Variants in NYAP2 observed in about 807,000 individuals in gnomAD.
NYAP2 encodes the protein neuronal tyrosine-phosphorylated phosphoinositide-3-kinase adapter 2.
In NYAP2, 23 loss-of-function variants were observed where a neutral mutation model predicts 50.4. That is an observed-to-expected ratio of 0.46 (90% CI 0.33 to 0.65). The LOEUF (loss-of-function observed/expected upper bound fraction) is 0.65. Ranked by LOEUF, NYAP2 falls within the 30% of genes least tolerant of loss-of-function variation. The probability of loss-of-function intolerance (pLI) is 0.02; values close to 1 mark genes in which losing one functional copy is unlikely to be tolerated. For synonymous variants in NYAP2, 394 were observed against 365.2 expected (o/e 1.08, Z -0.90); for missense variants, 885 against 861.0 (o/e 1.03, Z -0.35).
chr2:225,566,825 C>A (rs1691969731), intron 4 of NYAP2, among the ~76,000 whole-genome samples: 1 of 152,064 alleles, frequency 6.6e-6, no homozygotes, highest in Non-Finnish European at 1.5e-5. Context: ...GCTTGGACTT[C>A]TAGTGTTTGA....
At chr2:225,569,381 A>G (rs1692024771) in intron 4 of NYAP2, among the ~76,000 whole-genome samples, 1 of 152,174 alleles carries the variant, frequency 6.6e-6, no homozygotes, top group African/African-American at 2.4e-5. Flanking sequence ...GAAACTTCAG[A>G]TAACAACTCA....
intron 5 of NYAP2, among the ~76,000 whole-genome samples, chr2:225,607,778 A>T (rs761569422): frequency 3.3e-5 from 5 of 152,132 alleles, no homozygotes; most frequent in Admixed American, 6.6e-5. Context: ...ATGGAAAAGG[A>T]CTAAAAGCAC....
At chr2:225,402,095 A>T (rs1030170704) in intron 2 of NYAP2, among the ~76,000 whole-genome samples, 2 of 152,044 alleles carry the variant, frequency 1.3e-5, no homozygotes, top group Non-Finnish European at 2.9e-5. Flanking sequence ...TTGTTTTCCT[A>T]TGGAAAGTGC....
the NYAP2 span, among the ~76,000 whole-genome samples, chr2:225,662,848 T>C: frequency 6.6e-6 from 1 of 152,182 alleles, no homozygotes; most frequent in Admixed American, 6.5e-5. Context: ...ATCTGTACTG[T>C]CACTTGTCTG....
the NYAP2 span, among the ~76,000 whole-genome samples, chr2:225,686,203 G>T: frequency 6.6e-6 from 1 of 152,100 alleles, no homozygotes; most frequent in Non-Finnish European, 1.5e-5. Flanking sequence ...CTTTGCATTT[G>T]CTCCTAAGAG....
At chr2:225,581,500 A>G (rs1216009144) in intron 4 of NYAP2, among the ~76,000 whole-genome samples, 2 of 152,246 alleles carry the variant, frequency 1.3e-5, no homozygotes, top group Admixed American at 6.5e-5. Flanking sequence ...TAAAAACCAC[A>G]TCAGTAAAAC....
At chr2:225,683,874 A>AT in the NYAP2 span, among the ~76,000 whole-genome samples, 4 of 151,390 alleles carry the variant, frequency 2.6e-5, no homozygotes, top group East Asian at 3.9e-4. Context: ...AGGGACGTTC[A>AT]TTTTTTTTTC....
intron 6 of NYAP2, among the ~76,000 whole-genome samples, chr2:225,635,227 G>T (rs1249582633): frequency 6.6e-6 from 1 of 152,140 alleles, no homozygotes; most frequent in African/African-American, 2.4e-5. Context: ...ACTCATGACG[G>T]TCCTTTTTGG....
At chr2:225,466,849 A>C (rs1689926858) in intron 3 of NYAP2, among the ~76,000 whole-genome samples, 1 of 152,232 alleles carries the variant, frequency 6.6e-6, no homozygotes, top group South Asian at 2.1e-4. Flanking sequence ...CCTCAGAAGA[A>C]AGAATTCAGC....
the NYAP2 span, among the ~76,000 whole-genome samples, chr2:225,667,895 AT>A: frequency 6.6e-6 from 1 of 152,052 alleles, no homozygotes; most frequent in African/African-American, 2.4e-5. Context: ...ATGTCACTTC[AT>A]TTCTGAATAT....
intron 6 of NYAP2, among the ~76,000 whole-genome samples, chr2:225,632,375 C>T (rs1693334959): frequency 6.6e-6 from 1 of 152,190 alleles, no homozygotes; most frequent in Non-Finnish European, 1.5e-5. Flanking sequence ...TGTCAACTTT[C>T]TGCTTCTGCG....
At chr2:225,579,260 T>C (rs1223878791) in intron 4 of NYAP2, among the ~76,000 whole-genome samples, 3 of 152,170 alleles carry the variant, frequency 2.0e-5, no homozygotes, top group South Asian at 2.1e-4. Context: ...ATGAATTTTT[T>C]TGTGGAAGAA....
At chr2:225,666,671 G>A in the NYAP2 span, among the ~76,000 whole-genome samples, 3,577 of 152,116 alleles carry the variant, frequency 0.024, 158 homozygotes, top group African/African-American at 0.081. Flanking sequence ...GGAGACCAAG[G>A]TTCTTTTGAA....
chr2:225,580,014 C>T (rs1190836560), intron 4 of NYAP2, among the ~76,000 whole-genome samples: 1 of 152,190 alleles, frequency 6.6e-6, no homozygotes, highest in Non-Finnish European at 1.5e-5. Context: ...CTCTTCAGTC[C>T]TCTGCCCTCA....
At chr2:225,404,786 A>G (rs184746758) in intron 2 of NYAP2, among the ~76,000 whole-genome samples, 1 of 152,160 alleles carries the variant, frequency 6.6e-6, no homozygotes, top group South Asian at 2.1e-4. Context: ...TGATGATTCT[A>G]GATACAGTAA....
At chr2:225,492,991 CT>C (rs113469511) in intron 3 of NYAP2, among the ~76,000 whole-genome samples, 2,251 of 143,984 alleles carry the variant, frequency 0.016, 45 homozygotes, top group African/African-American at 0.047. Flanking sequence ...TTTATAGCAA[CT>C]TTTTTTTTTT....
At chr2:225,595,164 G>T (rs555120639) in intron 5 of NYAP2, among the ~76,000 whole-genome samples, 1 of 152,010 alleles carries the variant, frequency 6.6e-6, no homozygotes, top group Non-Finnish European at 1.5e-5. Flanking sequence ...TTTTCTTTTC[G>T]TAGATGGAAC....
intron 6 of NYAP2, among the ~76,000 whole-genome samples, chr2:225,651,091 T>A (rs1693722845): frequency 6.6e-6 from 1 of 152,172 alleles, no homozygotes; most frequent in Non-Finnish European, 1.5e-5. Context: ...AAGCTAAAAG[T>A]GAAACATTCA....
At chr2:225,586,023 T>C (rs1414507724) in intron 5 of NYAP2, among the ~76,000 whole-genome samples, 1 of 152,206 alleles carries the variant, frequency 6.6e-6, no homozygotes, top group Non-Finnish European at 1.5e-5. Context: ...ATTTTCTACA[T>C]TTCAGGAATA....
Sources: gnomAD v4.1 joint callset for allele counts (sites outside exome capture counted in the v4.1 genomes callset) on GRCh38, gnomAD v4.1.1 for gene constraint, MANE v1.5 for transcripts, NCBI Gene and HGNC (gene_info 2026-07-23, HGNC 2026-07-21) for gene names.